Variants in SPACA9 observed in about 807,000 individuals in gnomAD.
SPACA9 encodes the protein sperm acrosome associated 9, also known as sperm acrosome-associated protein 9.
In SPACA9, 14 loss-of-function variants were observed where a neutral mutation model predicts 12.5. That is an observed-to-expected ratio of 1.12 (90% CI 0.74 to 1.75). The LOEUF (loss-of-function observed/expected upper bound fraction) is 1.75, where lower values mean the gene tolerates loss of function less well. Among genes scored for constraint, SPACA9 ranks in the 40% most tolerant of loss-of-function variants. SPACA9 has a pLI of 0.00. For synonymous variants in SPACA9, 111 were observed against 114.1 expected, an observed-to-expected ratio of 0.97 and a Z score of 0.17; for missense variants, 292 against 291.9, an observed-to-expected ratio of 1.00 and a Z score of 0.00.
At chr9:132,884,485 C>T (rs1177749982) in intron 2 of SPACA9, among the ~76,000 whole-genome samples, 1 of 152,212 alleles carries the variant, frequency 6.6e-6, no homozygotes, top group Non-Finnish European at 1.5e-5. Flanking sequence ...TCAGATTCCA[C>T]TGGGGGTTGA....
Position 132,889,428 on chromosome 9 carries a change from A to G in SPACA9, c.*817A>G. On this transcript the variant is annotated 3_prime_UTR_variant, in exon 4 of 4. Coordinates refer to ENST00000356311, the MANE Select transcript of SPACA9 (RefSeq NM_001316897.2). Reference sequence around the variant, plus strand: ...CGTGTTTATTTTTTTATTTTTTGAGATGGAGTTTCACTCTGTCTCCCAGGC... The same window carrying G: ...CGTGTTTATTTTTTTATTTTTTGAGGTGGAGTTTCACTCTGTCTCCCAGGC... 1 of 984,074 alleles carries G rather than the reference A, an allele frequency of 1.0e-6. No individual in the cohort carries two copies. Among genetic ancestry groups the G allele is most frequent in the Non-Finnish European group, 1.2e-6 (1 of 828,882 alleles). 61.0% of individuals were successfully genotyped at this position (984,074 alleles called of 1,614,324 possible).
chr9:132,879,374 T>G (rs1395548580), intron 1 of SPACA9, among the ~76,000 whole-genome samples: 1 of 152,114 alleles, frequency 6.6e-6, no homozygotes, highest in Non-Finnish European at 1.5e-5. Flanking sequence ...AATGGCACAG[T>G]CAATGCAGAC....
intron 1 of SPACA9, among the ~76,000 whole-genome samples, chr9:132,880,350 C>CG (rs1564455647): frequency 6.6e-6 from 1 of 152,176 alleles, no homozygotes; most frequent in Non-Finnish European, 1.5e-5. Flanking sequence ...GTTCAAGGGA[C>CG]GATCACTTCG....
At position 132,889,054 on chromosome 9, in the gene SPACA9, G is replaced by C; in HGVS notation, c.*443G>C. The stretch of plus-strand genomic sequence containing the variant: ...CAAAGTGCTGGGATTACAGGCGTGA[G>C]CCACAGCGCCCGGCCCTCTTGCTTT... On this transcript the variant is annotated 3_prime_UTR_variant, in exon 4 of 4. Coordinates refer to ENST00000356311, the MANE Select transcript of SPACA9 (RefSeq NM_001316897.2). 1.0e-6 allele frequency: 1 copy of C among 997,830 alleles called. No homozygotes were observed. Among genetic ancestry groups the C allele is most frequent in the African/African-American group, 1.7e-5 (1 of 57,558 alleles). 61.8% of individuals were successfully genotyped at this position (997,830 alleles called of 1,614,324 possible).
intron 1 of SPACA9, among the ~76,000 whole-genome samples, chr9:132,880,822 CTTT>C (rs900840677): frequency 2.9e-5 from 4 of 137,712 alleles, no homozygotes; most frequent in Non-Finnish European, 3.2e-5. Context: ...GTGCAGCTAT[CTTT>C]TTTTTTTTTT....
At chr9:132,880,809 A>C (rs1844396327) in intron 1 of SPACA9, among the ~76,000 whole-genome samples, 1 of 151,868 alleles carries the variant, frequency 6.6e-6, no homozygotes. Flanking sequence ...TCAGTATGGC[A>C]AGGTGCAGCT....
At chr9:132,879,951 C>T (rs1844348008) in intron 1 of SPACA9, among the ~76,000 whole-genome samples, 1 of 152,208 alleles carries the variant, frequency 6.6e-6, no homozygotes. Context: ...TAAAAGCCAG[C>T]ACTGTTGCCT....
Position 132,889,667 on chromosome 9 carries a change from G to A in SPACA9, c.*1056G>A, listed in dbSNP as rs778904267. On this transcript the variant is annotated 3_prime_UTR_variant, in exon 4 of 4. Coordinates refer to ENST00000356311, the MANE Select transcript of SPACA9 (RefSeq NM_001316897.2). ...TGACCTCAACTGGTCCACCCGCCTC[G>A]GCCTCCCAAAGTGCTGGGATTACAG... The A allele has an allele frequency of 7.7e-4, 762 of 983,476 alleles. 5 individuals carry two copies. Among genetic ancestry groups the A allele is most frequent in the Middle Eastern group, 4.8e-4 (1 of 2,098 alleles). 60.9% of individuals were successfully genotyped at this position (983,476 alleles called of 1,614,324 possible). A position where few individuals can be genotyped will look rare whatever the true frequency, so the allele number is the denominator to read the frequency against.
In SPACA9 at chr9:132,887,623, C is replaced by T; in HGVS notation, c.347+52C>T. The stretch of plus-strand genomic sequence containing the variant: ...GGCCCCGTGTGTGCCTGTGGGGAGG[C>T]CTCTGTCCTGCTTCTTTCCTGTTGC... On this transcript the variant is annotated intron_variant, in intron 3 of 3. Coordinates refer to ENST00000356311, the MANE Select transcript of SPACA9 (RefSeq NM_001316897.2). The surrounding 1 kb of genome is among the most constrained non-coding windows in gnomAD (Gnocchi z 5.4). 6.7e-7 allele frequency: 1 copy of T among 1,499,012 alleles called. No homozygotes were observed. Among genetic ancestry groups the T allele is most frequent in the Non-Finnish European group, 9.3e-7 (1 of 1,079,232 alleles). The allele number at this position is 1,499,012 out of a possible 1,614,324, so 92.9% of individuals were successfully genotyped here. A position where few individuals can be genotyped will look rare whatever the true frequency, so the allele number is the denominator to read the frequency against.
Position 132,889,537 on chromosome 9 carries a change from C to T in SPACA9, c.*926C>T, listed in dbSNP as rs1028909367. On this transcript the variant is annotated 3_prime_UTR_variant, in exon 4 of 4. Transcript: ENST00000356311. ...TCTCCTGCCTCAGCCTCCTGAGTAG[C>T]TGGAATTACAGGCGCCCACCACCCC... 5.7e-6 allele frequency: 3 copies of T among 526,640 alleles called. No individual in the cohort carries two copies. The highest frequency in any genetic ancestry group is 1.6e-4 in the South Asian group (2 of 12,294). The allele number at this position is 526,640 out of a possible 1,614,324, so 32.6% of individuals were successfully genotyped here. A position where few individuals can be genotyped will look rare whatever the true frequency, so the allele number is the denominator to read the frequency against.
intron 1 of SPACA9, among the ~76,000 whole-genome samples, chr9:132,881,502 ATGCCTAT>A (rs1844427715): frequency 6.6e-6 from 1 of 151,470 alleles, no homozygotes; most frequent in Non-Finnish European, 1.5e-5. Context: ...ACAGTGGCTC[ATGCCTAT>A]CATCCCAGCA....
chr9:132,880,981 CCCG>C (rs1844408132), intron 1 of SPACA9, among the ~76,000 whole-genome samples: 1 of 151,950 alleles, frequency 6.6e-6, no homozygotes, highest in Admixed American at 6.5e-5. Context: ...CGCCACCGTG[CCCG>C]GCTAACTTTT....
chr9:132,881,664 G>GC (rs2131479760), intron 1 of SPACA9, among the ~76,000 whole-genome samples: 1 of 127,744 alleles, frequency 7.8e-6, no homozygotes, highest in East Asian at 2.3e-4. Context: ...TACTCAAGAT[G>GC]CTTTTTTTTT....
At chr9:132,879,708 C>T (rs1288836757) in intron 1 of SPACA9, among the ~76,000 whole-genome samples, 1 of 152,124 alleles carries the variant, frequency 6.6e-6, no homozygotes, top group Non-Finnish European at 1.5e-5. Context: ...TTCTGGGCTT[C>T]TTTTCTCATC....
In SPACA9 at chr9:132,888,228, G is replaced by T; in HGVS notation, c.348-62G>T. 6.5e-7 allele frequency: 1 copy of T among 1,550,146 alleles called. No homozygotes were observed. Among genetic ancestry groups the T allele is most frequent in the South Asian group, 1.2e-5 (1 of 81,118 alleles). ...CTGCTGTGCCTGAGGTGTGGCAGCT[G>T]CTTGCCACGGCATGGCAAGTCCCGG... On this transcript the variant is annotated intron_variant, in intron 3 of 3. Coordinates refer to ENST00000356311, the MANE Select transcript of SPACA9 (RefSeq NM_001316897.2). This position sits in a 1 kb window ranked among gnomAD's most constrained non-coding sequence, Gnocchi z 5.0.
downstream of SPACA9, chr9:132,890,040 G>C (rs1393899059): frequency 1.4e-6 from 2 of 1,390,912 alleles, no homozygotes; most frequent in East Asian, 5.3e-5. Flanking sequence ...CTCTCTGCCT[G>C]ACTTGGTTTC....
At position 132,889,998 on chromosome 9, in the gene SPACA9, G is replaced by A. The variant is rs752637076; in HGVS notation, c.*1387G>A. The A allele has an allele frequency of 8.1e-6, 12 of 1,481,408 alleles. No homozygotes were observed. The South Asian group carries it at 1.7e-4, about 21-fold the overall frequency. The allele number at this position is 1,481,408 out of a possible 1,614,324, so 91.8% of individuals were successfully genotyped here. A position where few individuals can be genotyped will look rare whatever the true frequency, so the allele number is the denominator to read the frequency against. On this transcript the variant is annotated 3_prime_UTR_variant, in exon 4 of 4. Coordinates refer to ENST00000356311, the MANE Select transcript of SPACA9 (RefSeq NM_001316897.2). Reference sequence around the variant, plus strand: ...TGTATTATTGTTGCTTCCTCAGGGGGAGACAGTCAAGAATAAAAAGTATTC... The same window carrying A: ...TGTATTATTGTTGCTTCCTCAGGGGAAGACAGTCAAGAATAAAAAGTATTC...
chr9:132,883,882 C>T lies in SPACA9; in HGVS notation c.-37-29C>T. ...TGGATCCGAGCATTGGGTCCCAGGA[C>T]CTCATCACTATCCTCTGTCTCCCCA... On this transcript the variant is annotated intron_variant, in intron 1 of 3. Transcript: ENST00000356311. 1.2e-5 allele frequency: 18 copies of T among 1,556,440 alleles called. No individual in the cohort carries two copies. In the South Asian group the frequency reaches 1.6e-4, roughly 14 times the overall value.
Position 132,889,551 on chromosome 9 carries a change from G to A in SPACA9, c.*940G>A, listed in dbSNP as rs532178481. ...CTCCTGAGTAGCTGGAATTACAGGC[G>A]CCCACCACCCCACCTGGCTAATTTA... On this transcript the variant is annotated 3_prime_UTR_variant, in exon 4 of 4. Coordinates refer to ENST00000356311, the MANE Select transcript of SPACA9 (RefSeq NM_001316897.2). 1.6e-3 allele frequency: 666 copies of A among 409,252 alleles called. 5 individuals are homozygous for A. The highest frequency in any genetic ancestry group is 0.013 in the African/African-American group (609 of 46,180). The allele number at this position is 409,252 out of a possible 1,614,324, so 25.4% of individuals were successfully genotyped here. A position where few individuals can be genotyped will look rare whatever the true frequency, so the allele number is the denominator to read the frequency against.
Sources: gnomAD v4.1 joint callset for allele counts (sites outside exome capture counted in the v4.1 genomes callset) on GRCh38, gnomAD v4.1.1 for gene constraint, Gnocchi (gnomAD v3.1) non-coding constraint, MANE v1.5 for transcripts, NCBI Gene and HGNC (gene_info 2026-07-23, HGNC 2026-07-21) for gene names.